SLC35F4: variants seen among roughly 807,000 people sequenced by gnomAD.
SLC35F4 encodes chromosome 14 open reading frame 36.
Under a neutral mutation model 44.2 loss-of-function variants are expected in SLC35F4, and 24 were observed. The ratio of observed to expected loss-of-function variants is 0.54; its 90% confidence interval spans 0.39 to 0.76. The LOEUF is 0.76. Among genes scored for constraint, SLC35F4 ranks in the 30% least tolerant of loss-of-function variants. SLC35F4 has a pLI of 0.00. For synonymous variants in SLC35F4, 238 were observed against 223.6 expected (o/e 1.06, Z -0.57); for missense variants, 562 against 586.1 (o/e 0.96, Z 0.42).
At chr14:57,853,155 A>G (rs1425713543) in intron 1 of SLC35F4, among the ~76,000 whole-genome samples, 1 of 152,218 alleles carries the variant, frequency 6.6e-6, no homozygotes, top group Admixed American at 6.5e-5. Context: ...TGGCACTTCA[A>G]TGAAGCTTAA....
At chr14:57,810,617 G>T (rs1417978105) in intron 1 of SLC35F4, among the ~76,000 whole-genome samples, 1 of 152,190 alleles carries the variant, frequency 6.6e-6, no homozygotes, top group Non-Finnish European at 1.5e-5. Flanking sequence ...AAAGTCTGTA[G>T]TACCTGACAG....
chr14:57,714,610 C>G (rs2075893729), intron 1 of SLC35F4, among the ~76,000 whole-genome samples: 1 of 152,048 alleles, frequency 6.6e-6, no homozygotes, highest in Admixed American at 6.5e-5. Context: ...TATTGCCTGC[C>G]TGAGTGCATT....
chr14:57,708,721 G>T (rs1181163151), intron 1 of SLC35F4, among the ~76,000 whole-genome samples: 1 of 152,156 alleles, frequency 6.6e-6, no homozygotes, highest in East Asian at 1.9e-4. Context: ...GGGCCCAGGG[G>T]ACCACTACCA....
chr14:57,755,223 C>G (rs990503858), intron 1 of SLC35F4, among the ~76,000 whole-genome samples: 23 of 152,110 alleles, frequency 1.5e-4, no homozygotes, highest in African/African-American at 5.6e-4. Flanking sequence ...GGTTCTAGGC[C>G]AAGACTAGGG....
chr14:57,833,465 A>G lies in SLC35F4; in HGVS notation c.103+32258T>C, dbSNP rs545942893. ...CTCCCCAGGTGATTCTGATGAATCAAAACACAGAAGACTGGGCTCTGTCCC... is the reference window on the plus strand; with the variant it reads ...CTCCCCAGGTGATTCTGATGAATCAGAACACAGAAGACTGGGCTCTGTCCC... On this transcript the variant is annotated intron_variant, in intron 1 of 7. Transcript: ENST00000556826. 8.5e-5 allele frequency among the ~76,000 whole-genome samples: 13 copies of G among 152,346 alleles called. No homozygotes were observed. In the East Asian group the frequency reaches 2.5e-3, roughly 29 times the overall value.
intron 1 of SLC35F4, among the ~76,000 whole-genome samples, chr14:57,768,459 G>A (rs1040764359): frequency 1.3e-5 from 2 of 152,182 alleles, no homozygotes; most frequent in African/African-American, 4.8e-5. Context: ...CCACAGAAGA[G>A]TAAGCAGCAA....
rs150920027 is a variant in SLC35F4, at chr14:57,912,704, G to A, written n.282+69209C>T. ...GGCCCAGAATATGGCTTATCTTCATGAATATTCCATGTGAGCTTTAGAATA... is the reference window on the plus strand; with the variant it reads ...GGCCCAGAATATGGCTTATCTTCATAAATATTCCATGTGAGCTTTAGAATA... On this transcript the variant is annotated intron_variant and non_coding_transcript_variant, in intron 1 of 1. Transcript: ENST00000556568. 1.2e-4 allele frequency among the ~76,000 whole-genome samples: 19 copies of A among 152,030 alleles called. No individual in the cohort carries two copies. In the East Asian group the frequency reaches 3.3e-3, roughly 26 times the overall value.
At chr14:57,627,098 T>C (rs1181231727) in intron 1 of SLC35F4, among the ~76,000 whole-genome samples, 5 of 152,180 alleles carry the variant, frequency 3.3e-5, no homozygotes, top group African/African-American at 1.2e-4. Context: ...TGATTTTGTA[T>C]ATAAAGTTCA....
chr14:57,731,181 C>T (rs1312637569), intron 1 of SLC35F4, among the ~76,000 whole-genome samples: 3 of 152,096 alleles, frequency 2.0e-5, no homozygotes, highest in Non-Finnish European at 4.4e-5. Flanking sequence ...AGCAGAGCCC[C>T]GATGCGACCC....
chr14:57,627,217 ATTATTTGGGATGCAAGTATT>A (rs2072521367), intron 1 of SLC35F4, among the ~76,000 whole-genome samples: 1 of 152,146 alleles, frequency 6.6e-6, no homozygotes. Context: ...ATAAAGTCTC[ATTATTTGGGATGCAAGTATT>A]TTATATTTTG....
intron 1 of SLC35F4, among the ~76,000 whole-genome samples, chr14:57,696,510 A>AATT (rs1191186312): frequency 1.3e-5 from 2 of 152,234 alleles, no homozygotes; most frequent in Non-Finnish European, 2.9e-5. Flanking sequence ...ACAGTGTGGT[A>AATT]ATTCCTCAAG....
intron 1 of SLC35F4, among the ~76,000 whole-genome samples, chr14:57,610,665 C>A (rs2071440744): frequency 6.6e-6 from 1 of 152,176 alleles, no homozygotes; most frequent in Admixed American, 6.5e-5. Context: ...GCTTTATGTG[C>A]TTGTGTCTCC....
chr14:57,969,516 C>T (rs1880989457), intron 1 of SLC35F4, among the ~76,000 whole-genome samples: 2 of 152,100 alleles, frequency 1.3e-5, no homozygotes, highest in South Asian at 4.1e-4. Context: ...CTTGTCTTTA[C>T]ATTTCTGTGT....
At chr14:57,754,098 C>CTTTTTTTTTTTTTTT (rs1200175550) in intron 1 of SLC35F4, among the ~76,000 whole-genome samples, 2 of 110,452 alleles carry the variant, frequency 1.8e-5, no homozygotes, top group African/African-American at 3.7e-5. Context: ...TAACCCAATG[C>CTTTTTTTTTTTTTTT]TTTTTTTTTT....
Position 57,865,742 on chromosome 14 carries a change from T to G in SLC35F4, c.84A>C (p.Pro28=). The G allele has an allele frequency of 6.6e-7, 1 of 1,522,542 alleles. No homozygotes were observed. The highest frequency in any genetic ancestry group is 8.8e-7 in the Non-Finnish European group (1 of 1,141,304). The allele number at this position is 1,522,542 out of a possible 1,614,324, so 94.3% of individuals were successfully genotyped here. A position where few individuals can be genotyped will look rare whatever the true frequency, so the allele number is the denominator to read the frequency against. Residue 28 remains proline (P), a synonymous_variant, in exon 1 of 8, where the codon CCA becomes CCC. Transcript: ENST00000556826. ...LRITGYYGYY[P]GYSSQKSTSR... is the part of the protein sequence containing the mutation. ...TCTTACTTTTCTGGCTGGAGTAACC[T>G]GGATAATAGCCATAGTAGCCGGTGA...
chr14:57,848,336 C>A (rs866757952), intron 1 of SLC35F4, among the ~76,000 whole-genome samples: 13 of 152,170 alleles, frequency 8.5e-5, no homozygotes, highest in African/African-American at 3.1e-4. Context: ...ACAGAGACAC[C>A]AGGCATGGTT....
intron 1 of SLC35F4, among the ~76,000 whole-genome samples, chr14:57,791,229 T>A (rs1244183963): frequency 6.6e-6 from 1 of 152,192 alleles, no homozygotes; most frequent in East Asian, 1.9e-4. Context: ...TTTTGCAGTC[T>A]ATTCATCTGA....
At chr14:57,667,134 C>T (rs2074336692) in intron 1 of SLC35F4, among the ~76,000 whole-genome samples, 1 of 150,554 alleles carries the variant, frequency 6.6e-6, no homozygotes, top group Non-Finnish European at 1.5e-5. Flanking sequence ...ATCACCACTA[C>T]TATACCCACT....
chr14:57,583,715 TCCC>T (rs1176416499), intron 3 of SLC35F4, among the ~76,000 whole-genome samples: 2 of 152,256 alleles, frequency 1.3e-5, no homozygotes, highest in East Asian at 1.9e-4. Flanking sequence ...GCCGACCTTC[TCCC>T]CTTTGTTACT....
Sources: allele counts gnomAD v4.1 joint callset (sites outside exome capture counted in the v4.1 genomes callset), GRCh38; gene constraint gnomAD v4.1.1; transcripts MANE v1.5; gene names NCBI Gene and HGNC (gene_info 2026-07-23, HGNC 2026-07-21).